PLPPR1: variants seen among roughly 807,000 people sequenced by gnomAD.
PLPPR1 encodes phospholipid phosphatase-related protein type 1.
Under a neutral mutation model 33.1 loss-of-function variants are expected in PLPPR1, and 10 were observed. That is an observed-to-expected ratio of 0.30 (90% CI 0.19 to 0.51). The LOEUF is 0.51. Among genes scored for constraint, PLPPR1 ranks in the 20% least tolerant of loss-of-function variants. PLPPR1 has a pLI of 0.97. For missense variants in PLPPR1, 304 were observed against 408.1 expected (o/e 0.74, Z 2.20); for synonymous variants, 151 against 151.0 (o/e 1.00, Z 0.00).
chr9:101,030,418 C>T (rs2118392832), intron 1 of PLPPR1, among the ~76,000 whole-genome samples: 1 of 151,066 alleles, frequency 6.6e-6, no homozygotes, highest in East Asian at 2.0e-4. Flanking sequence ...TCTGGTGGGA[C>T]GCTAGTTTTG....
At chr9:101,046,435 CTTTTTTTT>C (rs527884198) in intron 1 of PLPPR1, among the ~76,000 whole-genome samples, 1 of 116,782 alleles carries the variant, frequency 8.6e-6, no homozygotes, top group Non-Finnish European at 1.7e-5. Flanking sequence ...CTCTTTTATT[CTTTTTTTT>C]TTTTTTTTTT....
intron 1 of PLPPR1, among the ~76,000 whole-genome samples, chr9:101,078,841 A>G (rs530589022): frequency 6.6e-6 from 1 of 152,188 alleles, no homozygotes; most frequent in East Asian, 1.9e-4. Context: ...TCAGTTTCTC[A>G]TACAGAAAAA....
intron 4 of PLPPR1, among the ~76,000 whole-genome samples, chr9:101,292,656 T>C (rs10989467): frequency 0.056 from 8,459 of 151,810 alleles, 440 homozygotes; most frequent in African/African-American, 0.13. Context: ...TATTCAACAT[T>C]CTTAAAGAAA....
intron 5 of PLPPR1, among the ~76,000 whole-genome samples, chr9:101,310,787 G>A (rs1032944993): frequency 2.6e-5 from 4 of 152,098 alleles, no homozygotes; most frequent in African/African-American, 7.2e-5. Flanking sequence ...GGATCACATC[G>A]ATAGGGTTAT....
intron 1 of PLPPR1, among the ~76,000 whole-genome samples, chr9:101,092,823 A>G (rs1258776172): frequency 6.6e-6 from 1 of 152,110 alleles, no homozygotes; most frequent in Non-Finnish European, 1.5e-5. Context: ...TTGAAAGGGA[A>G]TTACGGTTAG....
intron 2 of PLPPR1, among the ~76,000 whole-genome samples, chr9:101,226,272 C>G (rs980476704): frequency 6.6e-6 from 1 of 152,054 alleles, no homozygotes; most frequent in African/African-American, 2.4e-5. Context: ...TTCCCCTCCC[C>G]CCTCCTCACT....
intron 2 of PLPPR1, among the ~76,000 whole-genome samples, chr9:101,254,046 G>T (rs1237131234): frequency 6.6e-6 from 1 of 152,068 alleles, no homozygotes; most frequent in Non-Finnish European, 1.5e-5. Context: ...TAGACCAGCA[G>T]TCCCCAACAT....
At chr9:101,287,988 A>T (rs928649385) in intron 4 of PLPPR1, among the ~76,000 whole-genome samples, 1 of 152,182 alleles carries the variant, frequency 6.6e-6, no homozygotes, top group Non-Finnish European at 1.5e-5. Flanking sequence ...TAAAGCAGAG[A>T]TTTATTGCAA....
chr9:101,239,230 T>C (rs1827399820), intron 2 of PLPPR1, among the ~76,000 whole-genome samples: 1 of 151,958 alleles, frequency 6.6e-6, no homozygotes, highest in South Asian at 2.1e-4. Flanking sequence ...TTTGGATGAA[T>C]ACCCAGTAGT....
Position 101,200,127 on chromosome 9 carries a change from G to A in PLPPR1, c.63+14570G>A, listed in dbSNP as rs191980900. ...GGGCAACAAATAGACTATAATTGAC[G>A]GGGCATTGGCAGGCTCAGGAGCAGT... On this transcript the variant is annotated intron_variant, in intron 2 of 7. Transcript: ENST00000374874. 5.2e-3 allele frequency among the ~76,000 whole-genome samples: 789 copies of A among 152,156 alleles called. 3 individuals are homozygous for A. Among genetic ancestry groups the A allele is most frequent in the Non-Finnish European group, 9.4e-3 (639 of 68,010 alleles).
At chr9:101,086,200 T>G (rs1191288403) in intron 1 of PLPPR1, among the ~76,000 whole-genome samples, 1 of 152,306 alleles carries the variant, frequency 6.6e-6, no homozygotes, top group South Asian at 2.1e-4. Flanking sequence ...ACTCAACTCA[T>G]GTCATCACTT....
At chr9:101,316,630 C>G (rs1265828005) in intron 6 of PLPPR1, among the ~76,000 whole-genome samples, 1 of 84,270 alleles carries the variant, frequency 1.2e-5, no homozygotes, top group Non-Finnish European at 2.3e-5. Context: ...AAAAAAAAAG[C>G]AGGGAAGATG....
intron 2 of PLPPR1, among the ~76,000 whole-genome samples, chr9:101,197,255 A>C (rs1826414027): frequency 6.6e-6 from 1 of 152,146 alleles, no homozygotes; most frequent in African/African-American, 2.4e-5. Flanking sequence ...TGCTAGCGTT[A>C]CTCACAGGAA....
intron 1 of PLPPR1, among the ~76,000 whole-genome samples, chr9:101,152,985 T>A (rs1353665963): frequency 6.6e-6 from 1 of 152,234 alleles, no homozygotes; most frequent in Admixed American, 6.5e-5. Flanking sequence ...TAAATTACTT[T>A]GGGCAGAATG....
At chr9:101,133,145 C>T (rs933045050) in intron 1 of PLPPR1, among the ~76,000 whole-genome samples, 1 of 151,998 alleles carries the variant, frequency 6.6e-6, no homozygotes, top group Non-Finnish European at 1.5e-5. Context: ...TAGAATTTTC[C>T]CCATCAATAC....
chr9:101,237,502 C>T (rs1313459224), intron 2 of PLPPR1, among the ~76,000 whole-genome samples: 2 of 150,598 alleles, frequency 1.3e-5, no homozygotes, highest in Non-Finnish European at 3.0e-5. Flanking sequence ...ACACATTAAA[C>T]ACAGATACAC....
intron 1 of PLPPR1, among the ~76,000 whole-genome samples, chr9:101,133,664 T>C (rs188668497): frequency 4.6e-5 from 7 of 152,262 alleles, no homozygotes; most frequent in African/African-American, 1.7e-4. Flanking sequence ...CACTGTATCA[T>C]TGTTGTTCAA....
intron 1 of PLPPR1, among the ~76,000 whole-genome samples, chr9:101,175,661 A>C (rs548901986): frequency 5.3e-5 from 8 of 152,318 alleles, no homozygotes; most frequent in Middle Eastern, 3.4e-3. Flanking sequence ...GTCATGCCTA[A>C]TGGGATACCT....
At chr9:101,135,457 A>G (rs1256584846) in intron 1 of PLPPR1, among the ~76,000 whole-genome samples, 1 of 152,172 alleles carries the variant, frequency 6.6e-6, no homozygotes, top group African/African-American at 2.4e-5. Flanking sequence ...TGTCCCTGCC[A>G]GGCTAAATGG....
Sources: allele counts gnomAD v4.1 joint callset (sites outside exome capture counted in the v4.1 genomes callset), GRCh38; gene constraint gnomAD v4.1.1; transcripts MANE v1.5; gene names NCBI Gene and HGNC (gene_info 2026-07-23, HGNC 2026-07-21).